The following CMYA5 variants were observed in gnomAD, a reference collection of about 807,000 sequenced individuals.
CMYA5 encodes the protein cardiomyopathy-associated protein 5.
In CMYA5, 246 loss-of-function variants were observed where a neutral mutation model predicts 318.9. The ratio of observed to expected loss-of-function variants is 0.77; its 90% CI spans 0.70 to 0.86. The LOEUF is 0.86. CMYA5 is among the 40% of genes least tolerant of loss of function. CMYA5 has a pLI of 0.00. For synonymous variants in CMYA5, 1,641 were observed against 1,729.5 expected (o/e 0.95, Z 1.27); for missense variants, 4,589 against 4,678.2 (o/e 0.98, Z 0.56).
chr5:79,714,150 T>C (rs1256948287), intron 1 of CMYA5, among the ~76,000 whole-genome samples: 1 of 152,156 alleles, frequency 6.6e-6, no homozygotes, highest in African/African-American at 2.4e-5. Context: ...ATTACAGACT[T>C]GCAAAGGTGC....
chr5:79,799,277 A>T, intron 12 of CMYA5, 93 bp from the exon 13 acceptor site: 2 of 1,307,304 alleles, frequency 1.5e-6, no homozygotes, highest in Admixed American at 4.9e-5. Flanking sequence ...AGTGGAGTTA[A>T]TAACTGAAGA....
intron 12 of CMYA5, among the ~76,000 whole-genome samples, chr5:79,794,989 G>C (rs1829249697): frequency 6.6e-6 from 1 of 152,152 alleles, no homozygotes; most frequent in Non-Finnish European, 1.5e-5. Context: ...TAGATTCAGA[G>C]CTGAAACTAC....
chr5:79,761,082 GA>G (rs1317920440), intron 7 of CMYA5, among the ~76,000 whole-genome samples: 2 of 152,146 alleles, frequency 1.3e-5, no homozygotes, highest in Non-Finnish European at 2.9e-5. Flanking sequence ...TTTTAAAGGA[GA>G]TAAAATTTCA....
chr5:79,729,921 C>A lies in CMYA5; in HGVS notation c.1156C>A (p.Pro386Thr). Residue 386 changes from proline (P) to threonine (T), a missense_variant, in exon 2 of 13, where the codon CCT (proline) becomes ACT (threonine). Pro to Thr is a conservative substitution (Grantham distance 38, BLOSUM62 -1). Transcript: ENST00000446378. ...VEPPSVTPDT[P>T]ATMFLRTTKE... ...ACCTCCATCTGTGACACCCGACACA[C>A]CTGCAACTATGTTCCTGAGAACAAC... 3 of 1,613,754 alleles carry A rather than the reference C, an allele frequency of 1.9e-6. No individual in the cohort carries two copies. The highest frequency in any genetic ancestry group is 2.5e-6 in the Non-Finnish European group (3 of 1,179,786).
At position 79,713,286 on chromosome 5, in the gene CMYA5, C is replaced by T. The variant is rs553598982; in HGVS notation, c.150-15629C>T. Among the ~76,000 whole-genome samples the T allele has an allele frequency of 6.6e-3, 698 of 105,080 alleles. 5 individuals carry two copies. The highest frequency in any genetic ancestry group is 9.1e-3 in the Non-Finnish European group (466 of 51,202). 68.9% of individuals were successfully genotyped at this position (105,080 alleles called of 152,430 possible). On this transcript the variant is annotated intron_variant, in intron 1 of 12. Coordinates refer to ENST00000446378, the MANE Select transcript of CMYA5 (RefSeq NM_153610.5). ...TCAGCACACAGGACAGTCCCCACCC[C>T]GCTGCACCCCGCCCCCACCCCCCAC...
At chr5:79,771,304 C>A (rs1828852808) in intron 9 of CMYA5, among the ~76,000 whole-genome samples, 1 of 152,124 alleles carries the variant, frequency 6.6e-6, no homozygotes, top group African/African-American at 2.4e-5. Flanking sequence ...AGTCCTGGAC[C>A]TTAACTGTGA....
At position 79,718,123 on chromosome 5, in the gene CMYA5, G is replaced by A. The variant is rs533572614; in HGVS notation, c.150-10792G>A. Among the ~76,000 whole-genome samples the A allele has an allele frequency of 1.9e-3, 92 of 48,378 alleles. 21 individuals are homozygous for A. The highest frequency in any genetic ancestry group is 4.3e-3 in the East Asian group (4 of 922). 31.7% of individuals were successfully genotyped at this position (48,378 alleles called of 152,430 possible). ...GGGATGGTCTCGATCTCCTGACCTC[G>A]TGATCCGCCCGCCTCGGCCTCCCAA... On this transcript the variant is annotated intron_variant, in intron 1 of 12. Transcript: ENST00000446378.
chr5:79,753,136 G>A (rs1459912289), intron 6 of CMYA5, among the ~76,000 whole-genome samples: 2 of 151,732 alleles, frequency 1.3e-5, no homozygotes, highest in Non-Finnish European at 2.9e-5. Context: ...GCCAGGTATA[G>A]AAGAAAAAAG....
Position 79,736,011 on chromosome 5 carries a change from G to T in CMYA5, c.7246G>T (p.Glu2416Ter), listed in dbSNP as rs1347373668. The change falls in exon 2 of 13, where the codon GAA becomes TAA. Residue 2416 changes from glutamate to a stop codon, truncating the protein, a stop_gained. Transcript: ENST00000446378. LOFTEE classifies it high-confidence loss of function. ...KPESIILPVEESKGSLIDFSE... is the reference protein window; with the variant it reads ...KPESIILPVE ...AGAGTCAATTATTTTGCCAGTAGAAGAATCAAAAGGCAGTTTAATTGATTT... is the reference window on the plus strand; with the variant it reads ...AGAGTCAATTATTTTGCCAGTAGAATAATCAAAAGGCAGTTTAATTGATTT... The T allele has an allele frequency of 1.2e-6, 2 of 1,612,990 alleles. No individual in the cohort carries two copies. Among genetic ancestry groups the T allele is most frequent in the Admixed American group, 1.7e-5 (1 of 59,826 alleles).
chr5:79,769,491 G>A (rs259112), intron 9 of CMYA5, among the ~76,000 whole-genome samples: 29,846 of 151,882 alleles, frequency 0.2, 3,034 homozygotes, highest in East Asian at 0.31. Flanking sequence ...CTGTGTGGAC[G>A]TCCTTTTTGT....
intron 7 of CMYA5, among the ~76,000 whole-genome samples, chr5:79,761,253 A>G (rs1436372953): frequency 6.6e-6 from 1 of 152,202 alleles, no homozygotes; most frequent in Non-Finnish European, 1.5e-5. Context: ...ATGACCTATC[A>G]AAGTTATTTA....
intron 9 of CMYA5, among the ~76,000 whole-genome samples, chr5:79,774,142 T>A (rs1435061791): frequency 6.6e-6 from 1 of 152,220 alleles, no homozygotes; most frequent in Non-Finnish European, 1.5e-5. Flanking sequence ...ATGAGCCTAC[T>A]GTGCCCCCAA....
In CMYA5 at chr5:79,752,659, G is replaced by A. The variant is rs371400092; in HGVS notation, c.10992-17G>A. The A allele has an allele frequency of 9.7e-6, 15 of 1,552,454 alleles. No homozygotes were observed. The highest frequency in any genetic ancestry group is 1.4e-5 in the African/African-American group (1 of 73,296). ...TTAATAATTTTTTAACTTATGTAGA[G>A]CTCTATTCCCCGATAGGTTGCTTTC... On this transcript the variant is annotated splice_polypyrimidine_tract_variant and intron_variant, in intron 5 of 12. Coordinates refer to ENST00000446378, the MANE Select transcript of CMYA5 (RefSeq NM_153610.5).
At position 79,734,128 on chromosome 5, in the gene CMYA5, A is replaced by G. The variant is rs753931641; in HGVS notation, c.5363A>G (p.Asp1788Gly). The change falls in exon 2 of 13, where the codon GAT becomes GGT. Residue 1788 changes from aspartate to glycine, a missense_variant. Physicochemically the swap from Asp to Gly is moderately conservative, Grantham distance 94. Coordinates refer to ENST00000446378, the MANE Select transcript of CMYA5 (RefSeq NM_153610.5). ...GCACAAGTCATGGGAGATATTTTAG[A>G]TAAGCTAAGTGAAGAAACAGGCCAC... ...LKAQVMGDIL[D>G]KLSEETGHPN... 6.2e-7 allele frequency: 1 copy of G among 1,613,764 alleles called. No homozygotes were observed. Among genetic ancestry groups the G allele is most frequent in the South Asian group, 1.1e-5 (1 of 91,052 alleles).
intron 1 of CMYA5, among the ~76,000 whole-genome samples, chr5:79,701,857 G>A (rs761413042): frequency 2.0e-5 from 3 of 152,216 alleles, no homozygotes; most frequent in Non-Finnish European, 4.4e-5. Context: ...GCCAGGCGTG[G>A]TGGCTCACAC....
intron 9 of CMYA5, among the ~76,000 whole-genome samples, chr5:79,770,349 A>G (rs1828831271): frequency 6.6e-6 from 1 of 152,036 alleles, no homozygotes; most frequent in South Asian, 2.1e-4. Flanking sequence ...CCACTGGGTT[A>G]TGAAAAAAAA....
chr5:79,790,875 G>A, intron 10 of CMYA5, 95 bp from the exon 11 acceptor site: 1 of 772,522 alleles, frequency 1.3e-6, no homozygotes, highest in South Asian at 1.7e-5. Context: ...TTGACGTCAG[G>A]GGAAAGAGTC....
intron 1 of CMYA5, among the ~76,000 whole-genome samples, chr5:79,715,223 A>G (rs1827490919): frequency 6.6e-6 from 1 of 152,164 alleles, no homozygotes; most frequent in Admixed American, 6.5e-5. Flanking sequence ...AGGCAATAAT[A>G]TATGTGCAGG....
chr5:79,709,507 T>C (rs1267502393), intron 1 of CMYA5, among the ~76,000 whole-genome samples: 1 of 152,148 alleles, frequency 6.6e-6, no homozygotes, highest in Non-Finnish European at 1.5e-5. Context: ...ATCCAAACTA[T>C]TTTTATAGTA....
Sources: gnomAD v4.1 joint callset for allele counts (sites outside exome capture counted in the v4.1 genomes callset) on GRCh38, gnomAD v4.1.1 for gene constraint, MANE v1.5 for transcripts, NCBI Gene and HGNC (gene_info 2026-07-23, HGNC 2026-07-21) for gene names.